FTO: variants seen among roughly 807,000 people sequenced by gnomAD.
FTO encodes the protein alpha-ketoglutarate-dependent dioxygenase FTO.
A neutral mutation model predicts 63.9 loss-of-function variants in FTO; 47 were observed. That is an observed-to-expected ratio of 0.74 (90% CI 0.58 to 0.94). FTO has a LOEUF of 0.94. Ranked by LOEUF, FTO falls within the 40% of genes least tolerant of loss-of-function variation. The pLI is 0.00. For synonymous variants in FTO, 207 were observed against 224.4 expected, an observed-to-expected ratio of 0.92 and a Z score of 0.69; for missense variants, 562 against 618.1, an observed-to-expected ratio of 0.91 and a Z score of 0.96.
At chr16:53,703,986 C>A, upstream of FTO, 1 of 659,170 alleles carries the variant, frequency 1.5e-6, no homozygotes, top group Non-Finnish European at 2.8e-6. Context: ...GCTGTCGGAC[C>A]TGGGAAATTC....
intron 7 of FTO, among the ~76,000 whole-genome samples, chr16:53,915,787 C>G (rs979082032): frequency 1.3e-5 from 2 of 152,202 alleles, no homozygotes; most frequent in East Asian, 1.9e-4. Context: ...CTGTGCCCAT[C>G]ACTGGTTTTC....
chr16:53,846,927 A>T (rs1310044904), intron 4 of FTO, among the ~76,000 whole-genome samples: 1 of 152,176 alleles, frequency 6.6e-6, no homozygotes, highest in Non-Finnish European at 1.5e-5. Context: ...GAGAGAAAAG[A>T]AACTCTGGAA....
intron 1 of FTO, among the ~76,000 whole-genome samples, chr16:53,809,297 A>G (rs557048865): frequency 2.0e-5 from 3 of 152,332 alleles, no homozygotes; most frequent in Non-Finnish European, 4.4e-5. Context: ...GAGATGATAG[A>G]TCACTCTAAA....
intron 1 of FTO, among the ~76,000 whole-genome samples, chr16:53,736,861 G>A (rs1025153562): frequency 1.3e-5 from 2 of 152,124 alleles, no homozygotes; most frequent in Non-Finnish European, 2.9e-5. Flanking sequence ...CCATCTATTT[G>A]CTGTGTAGTT....
chr16:53,997,212 GGAAGGA>G (rs1456474102), intron 8 of FTO, among the ~76,000 whole-genome samples: 1 of 134,752 alleles, frequency 7.4e-6, no homozygotes, highest in Admixed American at 7.6e-5. Flanking sequence ...AAAGAAGGAA[GGAAGGA>G]GAGAGAGAGA....
At chr16:54,062,097 G>A (rs1339492782) in intron 8 of FTO, among the ~76,000 whole-genome samples, 1 of 152,218 alleles carries the variant, frequency 6.6e-6, no homozygotes, top group Admixed American at 6.5e-5. Flanking sequence ...TCTGAAGGAA[G>A]CCTGCACAGG....
chr16:53,994,836 C>T (rs1235516293), intron 8 of FTO, among the ~76,000 whole-genome samples: 2 of 151,898 alleles, frequency 1.3e-5, no homozygotes, highest in East Asian at 3.9e-4. Flanking sequence ...CAGGTTCAAA[C>T]AATTCTCGTG....
intron 3 of FTO, among the ~76,000 whole-genome samples, chr16:53,837,431 GT>G (rs557272384): frequency 3.5e-4 from 54 of 152,132 alleles, no homozygotes; most frequent in Non-Finnish European, 6.9e-4. Context: ...AAGGGACTAT[GT>G]TTGTCTTGAA....
chr16:53,800,923 T>C (rs1349365712), intron 1 of FTO, among the ~76,000 whole-genome samples: 2 of 152,144 alleles, frequency 1.3e-5, no homozygotes, highest in Non-Finnish European at 2.9e-5. Context: ...TACACTTATG[T>C]GGCATTAAAT....
At chr16:53,724,180 G>T (rs772385450) in intron 1 of FTO, among the ~76,000 whole-genome samples, 1 of 152,220 alleles carries the variant, frequency 6.6e-6, no homozygotes, top group East Asian at 1.9e-4. Context: ...CCAGTAGGAA[G>T]TTTGACAAGG....
At chr16:54,033,943 C>T (rs1182940108) in intron 8 of FTO, 1 of 152,124 alleles carries the variant, frequency 6.6e-6, no homozygotes, top group Non-Finnish European at 1.5e-5. Flanking sequence ...CTGACGATAC[C>T]TTTCCAAGTG....
At chr16:53,911,238 T>G (rs1598970442) in intron 7 of FTO, 12 of 533,856 alleles carry the variant, frequency 2.2e-5, no homozygotes, top group South Asian at 1.4e-4. Flanking sequence ...GCGATTGGAG[T>G]GAGTAAGAGA....
intron 4 of FTO, among the ~76,000 whole-genome samples, chr16:53,844,661 C>T (rs1033584113): frequency 1.5e-4 from 23 of 152,072 alleles, no homozygotes; most frequent in African/African-American, 4.6e-4. Flanking sequence ...GGTTTCACCA[C>T]GTTGGCCAAG....
intron 4 of FTO, among the ~76,000 whole-genome samples, chr16:53,868,816 A>G (rs941151318): frequency 6.6e-6 from 1 of 151,612 alleles, no homozygotes. Flanking sequence ...ACATTTTTTT[A>G]AAAAATCCTT....
chr16:53,760,120 C>G (rs1329470508), intron 1 of FTO, among the ~76,000 whole-genome samples: 1 of 152,088 alleles, frequency 6.6e-6, no homozygotes, highest in Non-Finnish European at 1.5e-5. Flanking sequence ...CTGAGCCTTT[C>G]TGTAGATGGT....
chr16:53,973,207 C>T (rs1408824674), intron 8 of FTO, among the ~76,000 whole-genome samples: 3 of 152,160 alleles, frequency 2.0e-5, no homozygotes, highest in African/African-American at 2.4e-5. Flanking sequence ...GCTGGGCTCC[C>T]GCCATTTCAG....
chr16:53,997,444 CAAAACCTGGAT>C, intron 8 of FTO, among the ~76,000 whole-genome samples: 1 of 151,846 alleles, frequency 6.6e-6, no homozygotes, highest in South Asian at 2.1e-4. Context: ...ATCAGGACCA[CAAAACCTGGAT>C]AGGCTGGGGA....
chr16:53,741,607 T>C (rs1342136643), intron 1 of FTO, among the ~76,000 whole-genome samples: 1 of 152,116 alleles, frequency 6.6e-6, no homozygotes, highest in East Asian at 1.9e-4. Context: ...ATGACCTAGG[T>C]AGTGGTCAAG....
At chr16:53,857,530 C>T (rs1053040723) in intron 4 of FTO, among the ~76,000 whole-genome samples, 1 of 151,822 alleles carries the variant, frequency 6.6e-6, no homozygotes, top group Non-Finnish European at 1.5e-5. Context: ...GAGCCTGAGT[C>T]CACAAGGGCA....
Sources: allele counts gnomAD v4.1 joint callset (sites outside exome capture counted in the v4.1 genomes callset), GRCh38; gene constraint gnomAD v4.1.1; transcripts MANE v1.5; gene names NCBI Gene and HGNC (gene_info 2026-07-23, HGNC 2026-07-21).